NBAS: variants seen among roughly 807,000 people sequenced by gnomAD.
The protein encoded by NBAS is NBAS subunit of NRZ tethering complex.
A neutral mutation model predicts 302.5 loss-of-function variants in NBAS; 219 were observed. The ratio of observed to expected loss-of-function variants is 0.72; its 90% CI spans 0.65 to 0.81. NBAS has a LOEUF of 0.81. Among genes scored for constraint, NBAS ranks in the 30% least tolerant of loss-of-function variants. The pLI is 0.00. For synonymous variants in NBAS, 1,118 were observed against 1,021.6 expected (o/e 1.09, Z -1.80); for missense variants, 2,932 against 2,841.6 (o/e 1.03, Z -0.72).
intron 10 of NBAS, among the ~76,000 whole-genome samples, chr2:15,508,725 C>T (rs919112855): frequency 2.6e-5 from 4 of 151,948 alleles, no homozygotes; most frequent in South Asian, 2.1e-4. Context: ...CAGACTTGGC[C>T]GGGCATGGTG....
chr2:15,267,221 A>C (rs1031930406), intron 44 of NBAS, among the ~76,000 whole-genome samples: 13 of 152,238 alleles, frequency 8.5e-5, no homozygotes, highest in African/African-American at 3.1e-4. Context: ...ATAAACTATG[A>C]GCTTCGCAAA....
intron 21 of NBAS, among the ~76,000 whole-genome samples, chr2:15,432,086 C>T (rs529802045): frequency 7.2e-5 from 11 of 151,758 alleles, no homozygotes; most frequent in Non-Finnish European, 1.6e-4. Context: ...AAAATTGTAG[C>T]TTGAAAAAAA....
At chr2:14,842,056 C>T in the NBAS span, among the ~76,000 whole-genome samples, 1 of 150,658 alleles carries the variant, frequency 6.6e-6, no homozygotes, top group African/African-American at 2.5e-5. Flanking sequence ...TTTAGTAACA[C>T]AAGGAAATTA....
the NBAS span, among the ~76,000 whole-genome samples, chr2:14,911,431 A>G: frequency 3.3e-5 from 5 of 152,290 alleles, no homozygotes; most frequent in East Asian, 1.9e-4. Context: ...CCTGGACGCT[A>G]TTATTCCTTA....
the NBAS span, among the ~76,000 whole-genome samples, chr2:14,936,767 C>T: frequency 6.6e-6 from 1 of 152,218 alleles, no homozygotes; most frequent in Non-Finnish European, 1.5e-5. Context: ...AAAGAGGGCA[C>T]CAGAGAGAAA....
At chr2:15,316,280 C>T (rs1423680452) in intron 38 of NBAS, among the ~76,000 whole-genome samples, 1 of 152,196 alleles carries the variant, frequency 6.6e-6, no homozygotes, top group South Asian at 2.1e-4. Context: ...AGGAACAGCT[C>T]CGCTCTGCAG....
At chr2:15,501,798 T>C (rs1661580943) in intron 11 of NBAS, among the ~76,000 whole-genome samples, 1 of 151,760 alleles carries the variant, frequency 6.6e-6, no homozygotes, top group African/African-American at 2.4e-5. Context: ...GGTCTCACTC[T>C]GTCCCCCAAG....
At chr2:15,339,575 T>C (rs1415899252) in intron 35 of NBAS, among the ~76,000 whole-genome samples, 1 of 152,062 alleles carries the variant, frequency 6.6e-6, no homozygotes, top group African/African-American at 2.4e-5. Context: ...GACCAAAATA[T>C]GAATAGTCTC....
At position 15,248,286 on chromosome 2, in the gene NBAS, T is replaced by A. The variant is rs1572522519; in HGVS notation, c.5725-9600A>T. Among the ~76,000 whole-genome samples the A allele has an allele frequency of 2.0e-5, 3 of 152,302 alleles. No homozygotes were observed. The South Asian group carries it at 6.2e-4, about 32-fold the overall frequency. ...CAAAGACACAATGTACCAGAATCTC[T>A]GGGACACATTTAAAGCAGTGTGTAG... is the stretch of plus-strand genomic sequence containing the variant. On this transcript the variant is annotated intron_variant, in intron 44 of 51. Coordinates refer to ENST00000281513, the MANE Select transcript of NBAS (RefSeq NM_015909.4).
the NBAS span, among the ~76,000 whole-genome samples, chr2:14,958,280 G>A: frequency 6.6e-6 from 1 of 152,220 alleles, no homozygotes; most frequent in Non-Finnish European, 1.5e-5. Context: ...CCAGCTGCCT[G>A]GCGTCCTTGG....
chr2:14,792,392 A>G, the NBAS span, among the ~76,000 whole-genome samples: 1 of 152,152 alleles, frequency 6.6e-6, no homozygotes, highest in Non-Finnish European at 1.5e-5. Flanking sequence ...TTAACACAAT[A>G]CACTATTGAG....
the NBAS span, among the ~76,000 whole-genome samples, chr2:14,962,859 A>T: frequency 1.3e-5 from 2 of 152,158 alleles, no homozygotes; most frequent in Non-Finnish European, 2.9e-5. Flanking sequence ...TTGCTGTTGC[A>T]AAAGGGGATT....
At chr2:15,263,546 T>A (rs1264686293) in intron 44 of NBAS, among the ~76,000 whole-genome samples, 1 of 152,224 alleles carries the variant, frequency 6.6e-6, no homozygotes, top group Non-Finnish European at 1.5e-5. Flanking sequence ...TCTGGCCTCA[T>A]CCTATGCTCC....
chr2:15,522,025 G>T (rs1242823311), intron 9 of NBAS, among the ~76,000 whole-genome samples: 5 of 152,156 alleles, frequency 3.3e-5, no homozygotes, highest in Non-Finnish European at 7.3e-5. Context: ...GTAATAGGAA[G>T]CTAGACAGAT....
intron 19 of NBAS, 23 bp downstream of exon 19, chr2:15,467,306 G>C: frequency 6.4e-7 from 1 of 1,551,572 alleles, no homozygotes; most frequent in Non-Finnish European, 8.9e-7. Context: ...AACATAATTG[G>C]TTTGACAAAA....
chr2:14,914,298 G>T, the NBAS span, among the ~76,000 whole-genome samples: 1 of 152,182 alleles, frequency 6.6e-6, no homozygotes, highest in Non-Finnish European at 1.5e-5. Flanking sequence ...AAGACTGACA[G>T]CAGTTTATTA....
At chr2:15,444,321 A>G (rs1304214838) in intron 21 of NBAS, among the ~76,000 whole-genome samples, 1 of 152,224 alleles carries the variant, frequency 6.6e-6, no homozygotes, top group Non-Finnish European at 1.5e-5. Context: ...GATCAATGGA[A>G]CAGAACACAG....
chr2:15,318,428 C>A (rs1671620513), intron 38 of NBAS, among the ~76,000 whole-genome samples: 1 of 151,934 alleles, frequency 6.6e-6, no homozygotes, highest in Admixed American at 6.6e-5. Flanking sequence ...GGCTAAATAC[C>A]CCAATTAAAA....
At chr2:15,541,683 A>T (rs1398339038) in intron 6 of NBAS, among the ~76,000 whole-genome samples, 3 of 151,758 alleles carry the variant, frequency 2.0e-5, no homozygotes, top group Non-Finnish European at 2.9e-5. Context: ...AGTGGGAATA[A>T]TTTTTTCTAA....
Sources: allele counts gnomAD v4.1 joint callset (sites outside exome capture counted in the v4.1 genomes callset), GRCh38; gene constraint gnomAD v4.1.1; transcripts MANE v1.5; gene names NCBI Gene and HGNC (gene_info 2026-07-23, HGNC 2026-07-21).